Variants in CEP83 observed in about 807,000 individuals in gnomAD.
The protein encoded by CEP83 is centrosomal protein of 83 kDa.
Under a neutral mutation model 101.9 loss-of-function variants are expected in CEP83, and 70 were observed. The ratio of observed to expected loss-of-function variants is 0.69; its 90% CI spans 0.57 to 0.84. CEP83 has a LOEUF of 0.84. Among genes scored for constraint, CEP83 ranks in the 40% least tolerant of loss-of-function variants. The pLI is 0.00. For missense variants in CEP83, 715 were observed against 787.2 expected (o/e 0.91, Z 1.10); for synonymous variants, 264 against 267.9 (o/e 0.99, Z 0.14).
chr12:94,276,371 C>T, the CEP83 span, among the ~76,000 whole-genome samples: 4 of 152,064 alleles, frequency 2.6e-5, no homozygotes, highest in Non-Finnish European at 4.4e-5. Flanking sequence ...ACACCCACCC[C>T]TCCCACTGGT....
At chr12:94,352,393 C>G (rs2060240853) in intron 11 of CEP83, among the ~76,000 whole-genome samples, 1 of 146,758 alleles carries the variant, frequency 6.8e-6, no homozygotes, top group African/African-American at 2.5e-5. Context: ...GCACTCCAAC[C>G]TGGGTGACAG....
intron 2 of CEP83, among the ~76,000 whole-genome samples, chr12:94,419,210 A>G (rs572935945): frequency 1.3e-4 from 20 of 152,224 alleles, no homozygotes; most frequent in African/African-American, 4.6e-4. Flanking sequence ...GCAACAAAAT[A>G]TTTTTTATTT....
At chr12:94,432,731 C>CA (rs1287458129) in intron 2 of CEP83, among the ~76,000 whole-genome samples, 2 of 152,080 alleles carry the variant, frequency 1.3e-5, no homozygotes, top group Non-Finnish European at 2.9e-5. Flanking sequence ...AAAGTAGCTA[C>CA]AAGAGAGGAC....
At chr12:94,369,819 T>A (rs539906903) in intron 9 of CEP83, 103 bp downstream of exon 9, 2 of 660,918 alleles carry the variant, frequency 3.0e-6, no homozygotes, top group Admixed American at 5.2e-5. Context: ...CTAAATTAAG[T>A]TGAAAATTTG....
intron 14 of CEP83, among the ~76,000 whole-genome samples, chr12:94,323,716 G>A (rs7959644): frequency 3.3e-5 from 5 of 152,064 alleles, no homozygotes; most frequent in African/African-American, 4.8e-5. Flanking sequence ...TAGAACCTCC[G>A]ATAAAATATT....
intron 14 of CEP83, 140 bp downstream of exon 14, chr12:94,331,560 G>A (rs1016553350): frequency 9.0e-6 from 6 of 664,664 alleles, no homozygotes; most frequent in Non-Finnish European, 1.5e-5. Context: ...CAGTAGAGAT[G>A]GGGTTTCACT....
At chr12:94,373,103 C>T (rs1306344993) in intron 8 of CEP83, among the ~76,000 whole-genome samples, 2 of 152,040 alleles carry the variant, frequency 1.3e-5, no homozygotes, top group Non-Finnish European at 2.9e-5. Flanking sequence ...GATCAAGTCC[C>T]AAATCCTAGG....
At chr12:94,438,214 C>G (rs1240429664) in intron 1 of CEP83, among the ~76,000 whole-genome samples, 1 of 149,738 alleles carries the variant, frequency 6.7e-6, no homozygotes, top group Non-Finnish European at 1.5e-5. Flanking sequence ...GTGAGACTGT[C>G]CCAATTAAAA....
chr12:94,388,024 G>T (rs2062259704), intron 6 of CEP83, among the ~76,000 whole-genome samples: 1 of 152,198 alleles, frequency 6.6e-6, no homozygotes, highest in Non-Finnish European at 1.5e-5. Flanking sequence ...ACAGTTTGGA[G>T]ATTTCTCAAA....
In CEP83 at chr12:94,437,754, C is replaced by T. The variant is rs1802929720; in HGVS notation, c.-154-2427G>A. ...GGAGTTCTGACTCTTGAAACAATCT[C>T]AAAACATCAAAATAGAACCTTTCTT... On this transcript the variant is annotated intron_variant, in intron 1 of 16. Coordinates refer to ENST00000397809, the MANE Select transcript of CEP83 (RefSeq NM_016122.3). Among the ~76,000 whole-genome samples, 4 of 152,152 alleles carry T rather than the reference C, an allele frequency of 2.6e-5. No homozygotes were observed. The South Asian group carries it at 8.3e-4, about 31-fold the overall frequency.
chr12:94,431,877 A>T (rs1168771295), intron 2 of CEP83, among the ~76,000 whole-genome samples: 1 of 152,216 alleles, frequency 6.6e-6, no homozygotes, highest in Non-Finnish European at 1.5e-5. Context: ...CAGCACGAAG[A>T]TTTCTCAAAA....
At chr12:94,459,448 T>C (rs2138718185) in intron 1 of CEP83, 109 bp downstream of exon 1, 1 of 152,296 alleles carries the variant, frequency 6.6e-6, no homozygotes, top group South Asian at 2.1e-4. Context: ...GAGCTTCCAC[T>C]ACTTTAACAG....
chr12:94,392,261 C>A (rs1000848875), intron 6 of CEP83, among the ~76,000 whole-genome samples: 3 of 152,048 alleles, frequency 2.0e-5, no homozygotes, highest in Non-Finnish European at 4.4e-5. Context: ...TCAGCAAATG[C>A]AAAAGAACAG....
At chr12:94,391,190 T>G (rs760747392) in intron 6 of CEP83, among the ~76,000 whole-genome samples, 2 of 151,630 alleles carry the variant, frequency 1.3e-5, no homozygotes, top group Non-Finnish European at 2.9e-5. Flanking sequence ...TGCACCAAGG[T>G]TGAAATGAAG....
intron 14 of CEP83, among the ~76,000 whole-genome samples, chr12:94,313,653 A>T (rs866915710): frequency 1.2e-4 from 18 of 152,210 alleles, no homozygotes; most frequent in Middle Eastern, 3.4e-3. Context: ...CCTGACCAAC[A>T]TGGTAAAACC....
chr12:94,400,660 A>T (rs1217797488), intron 6 of CEP83, among the ~76,000 whole-genome samples, 190 bp downstream of exon 6: 2 of 151,758 alleles, frequency 1.3e-5, no homozygotes, highest in Non-Finnish European at 2.9e-5. Context: ...AATTTAAAAG[A>T]TCTACACCCA....
intron 15 of CEP83, among the ~76,000 whole-genome samples, chr12:94,310,683 T>C (rs1969721182): frequency 6.6e-6 from 1 of 152,168 alleles, no homozygotes; most frequent in South Asian, 2.1e-4. Flanking sequence ...AGTAGACCCA[T>C]GCAGTTCAAG....
At chr12:94,437,914 T>C (rs2066113006) in intron 1 of CEP83, among the ~76,000 whole-genome samples, 1 of 152,210 alleles carries the variant, frequency 6.6e-6, no homozygotes, top group South Asian at 2.1e-4. Context: ...ATTGCCTAAA[T>C]GTTCCACTGA....
intron 2 of CEP83, chr12:94,433,961 A>C (rs977326885): frequency 6.6e-6 from 1 of 152,246 alleles, no homozygotes; most frequent in African/African-American, 2.4e-5. Flanking sequence ...GAATCTTAGT[A>C]AACTGCAAAT....
Sources: allele counts gnomAD v4.1 joint callset (sites outside exome capture counted in the v4.1 genomes callset), GRCh38; gene constraint gnomAD v4.1.1; transcripts MANE v1.5; gene names NCBI Gene and HGNC (gene_info 2026-07-23, HGNC 2026-07-21).